Variants in NAPB observed in about 807,000 individuals in gnomAD.
The protein encoded by NAPB is NSF attachment protein beta, also known as beta-soluble NSF attachment protein.
In NAPB, 26 loss-of-function variants were observed where a neutral mutation model predicts 44.7. That is an observed-to-expected ratio of 0.58 (90% CI 0.43 to 0.81). NAPB has a LOEUF of 0.81. Among genes scored for constraint, NAPB ranks in the 30% least tolerant of loss-of-function variants. The probability of loss-of-function intolerance (pLI) is 0.00; values close to 1 mark genes in which losing one functional copy is unlikely to be tolerated. For synonymous variants in NAPB, 120 were observed against 116.8 expected (o/e 1.03, Z -0.18); for missense variants, 315 against 356.4 (o/e 0.88, Z 0.94).
At chr20:23,414,733 A>G (rs554177347) in intron 1 of NAPB, among the ~76,000 whole-genome samples, 2 of 145,552 alleles carry the variant, frequency 1.4e-5, no homozygotes, top group Non-Finnish European at 3.1e-5. Flanking sequence ...TGAAGGTACA[A>G]AAGCTTTACT....
intron 1 of NAPB, among the ~76,000 whole-genome samples, chr20:23,404,088 G>A (rs540919776): frequency 6.6e-6 from 1 of 152,326 alleles, no homozygotes; most frequent in Admixed American, 6.5e-5. Context: ...ACAGCTTTAA[G>A]CTACTTGGAA....
chr20:23,389,081 C>T (rs6048773), intron 7 of NAPB, among the ~76,000 whole-genome samples: 10,490 of 151,798 alleles, frequency 0.069, 819 homozygotes, highest in African/African-American at 0.19. Flanking sequence ...AATTAAAATC[C>T]GGAGAAAGTA....
At chr20:23,406,214 A>G (rs947930470) in intron 1 of NAPB, among the ~76,000 whole-genome samples, 1 of 152,182 alleles carries the variant, frequency 6.6e-6, no homozygotes, top group African/African-American at 2.4e-5. Flanking sequence ...GTTCTTATAC[A>G]TTACCCAGGC....
chr20:23,421,398 T>A lies in NAPB; in HGVS notation c.5A>T (p.Asp2Val), dbSNP rs1986426398. Residue 2 changes from aspartate (D) to valine (V), a missense_variant, in exon 1 of 11, where the codon GAC becomes GTC. By Grantham distance (152) the Asp-to-Val change is radical (BLOSUM62 -3). Coordinates refer to ENST00000377026, the MANE Select transcript of NAPB (RefSeq NM_022080.3). M[D>V]NAGKEREAVQ... ...TGCCTCACGCTCCTTCCCCGCGTTG[T>A]CCATGTCGCCCGCCGCGGCCGCCAC... is the stretch of plus-strand genomic sequence containing the variant. The A allele has an allele frequency of 6.5e-7, 1 of 1,544,774 alleles. No homozygotes were observed. Among genetic ancestry groups the A allele is most frequent in the Non-Finnish European group, 8.7e-7 (1 of 1,145,194 alleles).
chr20:23,405,331 GAAA>G (rs1985166240), intron 1 of NAPB, among the ~76,000 whole-genome samples: 4 of 151,754 alleles, frequency 2.6e-5, no homozygotes, highest in Admixed American at 6.6e-5. Flanking sequence ...GAGAGAGAAA[GAAA>G]GAAAGAGAAT....
Position 23,376,696 on chromosome 20 carries a change from C to CATGA in NAPB, c.*679_*680insTCAT, listed in dbSNP as rs1982550089. ...TGTGATATGTGTGTGTGTGTAAACG[C>CATGA]GTGTGTCTAAGTACAAATCAAATTC... On this transcript the variant is annotated 3_prime_UTR_variant, in exon 11 of 11. Coordinates refer to ENST00000377026, the MANE Select transcript of NAPB (RefSeq NM_022080.3). The CATGA allele has an allele frequency of 6.6e-6, 1 of 152,120 alleles. No homozygotes were observed. Among genetic ancestry groups the CATGA allele is most frequent in the East Asian group, 1.9e-4 (1 of 5,198 alleles). The allele number at this position is 152,120 out of a possible 1,614,324, so 9.4% of individuals were successfully genotyped here.
intron 7 of NAPB, among the ~76,000 whole-genome samples, chr20:23,387,774 C>A (rs6076065): frequency 0.37 from 56,712 of 151,958 alleles, 10,932 homozygotes; most frequent in East Asian, 0.63. Flanking sequence ...CTGTATTCAT[C>A]GACTGTCAGA....
At chr20:23,380,910 A>C (rs1982949131) in intron 8 of NAPB, 1 of 254,940 alleles carries the variant, frequency 3.9e-6, no homozygotes. Flanking sequence ...TATAGCACTA[A>C]ATATTCCCAG....
chr20:23,390,123 CAA>C (rs1263911102), intron 6 of NAPB, 84 bp downstream of exon 6: 1 of 1,510,168 alleles, frequency 6.6e-7, no homozygotes. Context: ...TTGGTATAGT[CAA>C]ATACACTCAC....
intron 10 of NAPB, among the ~76,000 whole-genome samples, chr20:23,378,436 T>A (rs912896975): frequency 6.7e-6 from 1 of 149,238 alleles, no homozygotes; most frequent in African/African-American, 2.4e-5. Flanking sequence ...ATATATATAT[T>A]TATTATTTAT....
At chr20:23,401,553 G>A (rs1984850315) in intron 2 of NAPB, among the ~76,000 whole-genome samples, 1 of 152,084 alleles carries the variant, frequency 6.6e-6, no homozygotes, top group Non-Finnish European at 1.5e-5. Flanking sequence ...AATTTCCAAA[G>A]GTTAGAATAC....
In NAPB at chr20:23,415,031, A is replaced by T. The variant is rs1985908245; in HGVS notation, c.98+6274T>A. The stretch of plus-strand genomic sequence containing the variant: ...GATTTAAATATGCTGTTTATATATA[A>T]AAGGTAATAGAGATTGAGACATAAC... On this transcript the variant is annotated intron_variant, in intron 1 of 10. Transcript: ENST00000377026. Among the ~76,000 whole-genome samples the T allele has an allele frequency of 2.0e-5, 3 of 152,170 alleles. No individual in the cohort carries two copies. In the South Asian group the frequency reaches 6.2e-4, roughly 31 times the overall value.
chr20:23,402,895 G>T, intron 2 of NAPB, 98 bp downstream of exon 2: 1 of 875,268 alleles, frequency 1.1e-6, no homozygotes, highest in Non-Finnish European at 1.8e-6. Context: ...TGTCTCTGGG[G>T]CCAATAGTCT....
chr20:23,419,978 G>C (rs1422635998), intron 1 of NAPB, among the ~76,000 whole-genome samples: 3 of 152,004 alleles, frequency 2.0e-5, no homozygotes, highest in Non-Finnish European at 4.4e-5. Context: ...CATTATGTCT[G>C]TCTTCTGAAA....
chr20:23,410,253 C>A (rs972400610), intron 1 of NAPB, among the ~76,000 whole-genome samples: 1 of 152,176 alleles, frequency 6.6e-6, no homozygotes, highest in Non-Finnish European at 1.5e-5. Context: ...TTAACTGTAC[C>A]TACACAACGC....
At chr20:23,380,452 C>T (rs1372744708) in intron 8 of NAPB, among the ~76,000 whole-genome samples, 1 of 152,128 alleles carries the variant, frequency 6.6e-6, no homozygotes, top group Non-Finnish European at 1.5e-5. Flanking sequence ...TCTGAGCTTG[C>T]CTGTTGTTTT....
chr20:23,396,012 A>C (rs1984333018), intron 3 of NAPB, among the ~76,000 whole-genome samples: 1 of 152,252 alleles, frequency 6.6e-6, no homozygotes, highest in Non-Finnish European at 1.5e-5. Flanking sequence ...CACCTTTTAA[A>C]ATACAGAATA....
chr20:23,397,024 T>G lies in NAPB; in HGVS notation c.295+48A>C, dbSNP rs751015379. On this transcript the variant is annotated intron_variant, in intron 3 of 10. Coordinates refer to ENST00000377026, the MANE Select transcript of NAPB (RefSeq NM_022080.3). ...CCTTAACGTTGAGGGAAGTACTGAC[T>G]GGTTAGTTACACACAGAGATAGCAT... The G allele has an allele frequency of 8.9e-6, 14 of 1,575,372 alleles. No individual in the cohort carries two copies. The East Asian group carries it at 3.0e-4, about 33-fold the overall frequency.
chr20:23,386,554 C>T (rs1410363932), intron 7 of NAPB, among the ~76,000 whole-genome samples: 1 of 152,180 alleles, frequency 6.6e-6, no homozygotes, highest in African/African-American at 2.4e-5. Flanking sequence ...TGTTAGCAAA[C>T]CAATTCTGGC....
Sources: allele counts gnomAD v4.1 joint callset (sites outside exome capture counted in the v4.1 genomes callset), GRCh38; gene constraint gnomAD v4.1.1; transcripts MANE v1.5; gene names NCBI Gene and HGNC (gene_info 2026-07-23, HGNC 2026-07-21).